The following SGSM1 variants were observed in gnomAD, a reference collection of about 807,000 sequenced individuals.
The protein encoded by SGSM1 is RUN and TBC1 domain containing 2.
A neutral mutation model predicts 133.8 loss-of-function variants in SGSM1; 73 were observed. The observed-to-expected ratio is 0.55, with a 90% confidence interval of 0.45 to 0.66. The LOEUF (loss-of-function observed/expected upper bound fraction) is 0.66. Ranked by LOEUF, SGSM1 falls within the 30% of genes least tolerant of loss-of-function variation. The probability of loss-of-function intolerance (pLI) is 0.00; values close to 1 mark genes in which losing one functional copy is unlikely to be tolerated. For synonymous variants in SGSM1, 563 were observed against 573.0 expected (o/e 0.98, Z 0.25); for missense variants, 1,213 against 1,448.1 (o/e 0.84, Z 2.64).
intron 3 of SGSM1, among the ~76,000 whole-genome samples, chr22:24,846,737 C>T (rs566478709): frequency 2.0e-5 from 3 of 152,122 alleles, no homozygotes; most frequent in Non-Finnish European, 2.9e-5. Context: ...ATGAAAAGTA[C>T]TGCATATGTA....
chr22:24,859,585 T>C (rs1485791918), intron 8 of SGSM1, 131 bp from the exon 9 acceptor site: 6 of 1,283,634 alleles, frequency 4.7e-6, no homozygotes, highest in Non-Finnish European at 6.5e-6. Context: ...GTCTTCCACA[T>C]GGCCAGGGCC....
chr22:24,854,849 CTA>C (rs1356900040), intron 5 of SGSM1, 145 bp from the exon 6 acceptor site: 1 of 625,704 alleles, frequency 1.6e-6, no homozygotes, highest in Admixed American at 2.9e-5. Flanking sequence ...GCCCTATGAG[CTA>C]TATTATTATT....
At chr22:24,852,434 G>C (rs1930533928) in intron 5 of SGSM1, among the ~76,000 whole-genome samples, 1 of 151,928 alleles carries the variant, frequency 6.6e-6, no homozygotes, top group Non-Finnish European at 1.5e-5. Context: ...AACTCTACCT[G>C]CTAATTTTTA....
chr22:24,878,346 G>A (rs1447659633), intron 13 of SGSM1, among the ~76,000 whole-genome samples: 1 of 152,200 alleles, frequency 6.6e-6, no homozygotes, highest in Non-Finnish European at 1.5e-5. Flanking sequence ...TTGGAGTGAT[G>A]GAGAGCTCAC....
At chr22:24,817,640 C>T (rs1300704538) in intron 2 of SGSM1, among the ~76,000 whole-genome samples, 7 of 152,196 alleles carry the variant, frequency 4.6e-5, no homozygotes, top group Admixed American at 2.0e-4. Flanking sequence ...CGTGAGCCAC[C>T]GCTCCCGGCC....
intron 2 of SGSM1, among the ~76,000 whole-genome samples, chr22:24,828,772 C>T (rs561517962): frequency 8.5e-5 from 13 of 152,170 alleles, no homozygotes; most frequent in Non-Finnish European, 1.6e-4. Flanking sequence ...GACATATGCA[C>T]GCCAGTGTTC....
chr22:24,860,573 C>T (rs1931065519), intron 9 of SGSM1, among the ~76,000 whole-genome samples: 1 of 152,000 alleles, frequency 6.6e-6, no homozygotes, highest in African/African-American at 2.4e-5. Context: ...CATCGCCCTG[C>T]CCTCGTGGCC....
chr22:24,831,365 G>T (rs1929111350), intron 2 of SGSM1, among the ~76,000 whole-genome samples: 1 of 152,060 alleles, frequency 6.6e-6, no homozygotes. Flanking sequence ...CCTGAGTTGG[G>T]GCAAAGTGGC....
At chr22:24,854,194 G>A (rs145898175) in intron 5 of SGSM1, among the ~76,000 whole-genome samples, 1 of 152,136 alleles carries the variant, frequency 6.6e-6, no homozygotes, top group African/African-American at 2.4e-5. Flanking sequence ...ATCCCAGGGG[G>A]CATTTTTGAG....
At chr22:24,891,095 G>A (rs1932807167) in intron 16 of SGSM1, among the ~76,000 whole-genome samples, 1 of 152,176 alleles carries the variant, frequency 6.6e-6, no homozygotes, top group Admixed American at 6.6e-5. Context: ...CCGTCTCTTT[G>A]TTAAAAAGGG....
Position 24,868,847 on chromosome 22 carries a change from C to A in SGSM1, c.1283C>A (p.Ser428Ter). 1.9e-6 allele frequency: 3 copies of A among 1,613,720 alleles called. No individual in the cohort carries two copies. Among genetic ancestry groups the A allele is most frequent in the South Asian group, 1.1e-5 (1 of 91,046 alleles). ...VFRIIYPGMQ[S>*]EFVPQDLMDV... ...AGGATCATCTACCCTGGCATGCAGT[C>A]GGAATTCGGTGAGCTGCCCTGTCCC... is the stretch of plus-strand genomic sequence containing the variant. Residue 428 changes from serine to a stop codon, truncating the protein, a stop_gained, in exon 12 of 25, where the codon TCG becomes TAG. Coordinates refer to ENST00000400358, the MANE Select transcript of SGSM1 (RefSeq NM_001098497.3). LOFTEE classifies it high-confidence loss of function.
intron 22 of SGSM1, among the ~76,000 whole-genome samples, chr22:24,916,541 A>G (rs1023201435): frequency 6.6e-6 from 1 of 152,054 alleles, no homozygotes; most frequent in Non-Finnish European, 1.5e-5. Flanking sequence ...TATTAAAAAT[A>G]ACAAAAATTA....
intron 18 of SGSM1, among the ~76,000 whole-genome samples, 183 bp downstream of exon 18, chr22:24,895,474 ACC>A (rs1488748295): frequency 6.6e-6 from 1 of 152,100 alleles, no homozygotes; most frequent in South Asian, 2.1e-4. Context: ...TGGATCTATC[ACC>A]CCTGCAAAAA....
chr22:24,871,543 C>T (rs1931763572), intron 12 of SGSM1, among the ~76,000 whole-genome samples: 1 of 152,162 alleles, frequency 6.6e-6, no homozygotes, highest in African/African-American at 2.4e-5. Context: ...CTCATTCCAT[C>T]CTCACCATTA....
intron 12 of SGSM1, among the ~76,000 whole-genome samples, chr22:24,872,299 A>G (rs1265586016): frequency 6.6e-6 from 1 of 152,164 alleles, no homozygotes; most frequent in East Asian, 1.9e-4. Flanking sequence ...GGCAAGGACA[A>G]GTTCCAAAAT....
intron 9 of SGSM1, among the ~76,000 whole-genome samples, chr22:24,860,366 A>G (rs1329495087): frequency 1.3e-5 from 2 of 152,180 alleles, no homozygotes; most frequent in African/African-American, 2.4e-5. Flanking sequence ...AGGAGGAACA[A>G]AGAAAGCCAT....
intron 2 of SGSM1, among the ~76,000 whole-genome samples, chr22:24,815,646 G>A (rs1302705951): frequency 2.0e-5 from 3 of 152,244 alleles, no homozygotes; most frequent in African/African-American, 7.2e-5. Flanking sequence ...TCAGGAGGCT[G>A]AGGTAGGAGA....
At chr22:24,846,477 T>C (rs1255178259) in intron 3 of SGSM1, among the ~76,000 whole-genome samples, 1 of 152,200 alleles carries the variant, frequency 6.6e-6, no homozygotes, top group Non-Finnish European at 1.5e-5. Flanking sequence ...ATTATATGCA[T>C]GTCCATCTTA....
rs1173449900 is a variant in SGSM1, at chr22:24,853,805, T to G, written c.456-1191T>G. Among the ~76,000 whole-genome samples the G allele has an allele frequency of 1.7e-4, 23 of 134,566 alleles. No homozygotes were observed. In the East Asian group the frequency reaches 2.2e-3, roughly 13 times the overall value. The allele number at this position is 134,566 out of a possible 152,430, so 88.3% of individuals were successfully genotyped here. On this transcript the variant is annotated intron_variant, in intron 5 of 24. Coordinates refer to ENST00000400358, the MANE Select transcript of SGSM1 (RefSeq NM_001098497.3). ...TTTTTTTTTTTGTATTTTTAGTAGG[T>G]ATGGGGTTTCACCGTGTTAGCCAGG...
Sources: gnomAD v4.1 joint callset for allele counts (sites outside exome capture counted in the v4.1 genomes callset) on GRCh38, gnomAD v4.1.1 for gene constraint, MANE v1.5 for transcripts, NCBI Gene and HGNC (gene_info 2026-07-23, HGNC 2026-07-21) for gene names.